Variants in MTA3 observed in about 807,000 individuals in gnomAD.
MTA3 encodes the protein metastasis-associated protein MTA3.
MTA3 carries 34 observed loss-of-function variants against 83.5 expected under a neutral mutation model. That is an observed-to-expected ratio of 0.41 (90% CI 0.31 to 0.54). The LOEUF is 0.54. Ranked by LOEUF, MTA3 falls within the 20% of genes least tolerant of loss-of-function variation. The pLI is 0.33. For synonymous variants in MTA3, 303 were observed against 252.7 expected (o/e 1.20, Z -1.89); for missense variants, 761 against 726.4 (o/e 1.05, Z -0.55).
At chr2:42,570,864 A>G (rs1026575984) in intron 2 of MTA3, among the ~76,000 whole-genome samples, 1 of 151,804 alleles carries the variant, frequency 6.6e-6, no homozygotes, top group African/African-American at 2.4e-5. Flanking sequence ...TACAAAAAAA[A>G]TAGTCGGGCA....
chr2:42,679,895 T>A (rs1237074591), intron 8 of MTA3, among the ~76,000 whole-genome samples: 1 of 152,020 alleles, frequency 6.6e-6, no homozygotes, highest in African/African-American at 2.4e-5. Context: ...ACAATTTACA[T>A]TGAGTATTTA....
Position 42,689,686 on chromosome 2 carries a change from G to A in MTA3, c.892-6079G>A, listed in dbSNP as rs145634249. 5.8e-3 allele frequency among the ~76,000 whole-genome samples: 868 copies of A among 150,564 alleles called. 6 individuals are homozygous for A. Among genetic ancestry groups the A allele is most frequent in the Non-Finnish European group, 9.6e-3 (652 of 67,784 alleles). On this transcript the variant is annotated intron_variant, in intron 9 of 16. Transcript: ENST00000405094. ...TAAAGATGTTTATAATAGGAGTTTA[G>A]AATTTTCTCATGTTATCCTTTTATG... is the stretch of plus-strand genomic sequence containing the variant.
intron 2 of MTA3, among the ~76,000 whole-genome samples, chr2:42,577,247 T>G (rs1203996874): frequency 2.0e-5 from 3 of 151,522 alleles, no homozygotes; most frequent in Admixed American, 6.6e-5. Flanking sequence ...TGAGTAACCA[T>G]GCTTCAGAAG....
At chr2:42,718,906 G>C (rs1298906218) in intron 14 of MTA3, 82 bp from the exon 15 acceptor site, 6 of 1,058,544 alleles carry the variant, frequency 5.7e-6, no homozygotes, top group Non-Finnish European at 8.4e-6. Flanking sequence ...TTTTCCACTT[G>C]TACCTTTATT....
At chr2:42,582,337 C>A (rs1344263322) in intron 3 of MTA3, among the ~76,000 whole-genome samples, 1 of 152,154 alleles carries the variant, frequency 6.6e-6, no homozygotes, top group Non-Finnish European at 1.5e-5. Flanking sequence ...GGATTACAGG[C>A]GTGAGCCACT....
At chr2:42,587,028 A>T (rs1680415186) in intron 3 of MTA3, among the ~76,000 whole-genome samples, 1 of 151,610 alleles carries the variant, frequency 6.6e-6, no homozygotes. Flanking sequence ...TCTCAAAAAA[A>T]ATAAAAATGC....
At chr2:42,589,816 G>T (rs1680757678) in intron 3 of MTA3, among the ~76,000 whole-genome samples, 2 of 152,152 alleles carry the variant, frequency 1.3e-5, no homozygotes, top group South Asian at 2.1e-4. Flanking sequence ...TGATATCTGG[G>T]TTAGAGGCTT....
intron 3 of MTA3, among the ~76,000 whole-genome samples, chr2:42,588,035 G>C (rs1239474912): frequency 6.6e-6 from 1 of 151,856 alleles, no homozygotes; most frequent in Non-Finnish European, 1.5e-5. Flanking sequence ...TTTTTCCTTG[G>C]ATTTTTATAA....
intron 16 of MTA3, among the ~76,000 whole-genome samples, chr2:42,735,556 A>G (rs978927095): frequency 9.9e-5 from 15 of 152,138 alleles, no homozygotes; most frequent in Admixed American, 5.2e-4. Flanking sequence ...TCTTTCTACA[A>G]TCTGTCCCTC....
intron 16 of MTA3, among the ~76,000 whole-genome samples, chr2:42,740,773 T>A (rs1386864410): frequency 6.6e-6 from 1 of 152,374 alleles, no homozygotes; most frequent in East Asian, 1.9e-4. Context: ...TTAGGCTTTG[T>A]TGTTCTATTT....
At chr2:42,547,375 C>T (rs1416624336) in intron 2 of MTA3, among the ~76,000 whole-genome samples, 2 of 152,204 alleles carry the variant, frequency 1.3e-5, no homozygotes, top group Non-Finnish European at 2.9e-5. Context: ...TCGCCCAGGC[C>T]GGAGTGCAGT....
intron 2 of MTA3, among the ~76,000 whole-genome samples, chr2:42,526,732 A>G (rs1675725284): frequency 6.6e-6 from 1 of 152,026 alleles, no homozygotes; most frequent in African/African-American, 2.4e-5. Flanking sequence ...ACCCTTCAAG[A>G]TGGATTCAAT....
intron 8 of MTA3, among the ~76,000 whole-genome samples, chr2:42,662,351 T>C (rs1689798829): frequency 6.6e-6 from 1 of 151,670 alleles, no homozygotes; most frequent in African/African-American, 2.4e-5. Context: ...TATATATTTC[T>C]TGTGTCTTGT....
intron 16 of MTA3, among the ~76,000 whole-genome samples, chr2:42,732,018 T>A (rs1275583848): frequency 2.0e-5 from 3 of 152,230 alleles, no homozygotes; most frequent in African/African-American, 7.2e-5. Context: ...ACTCCGGGTC[T>A]CATATCCAGG....
chr2:42,628,185 C>G (rs1686309239), intron 4 of MTA3, among the ~76,000 whole-genome samples: 1 of 148,174 alleles, frequency 6.7e-6, no homozygotes, highest in Non-Finnish European at 1.5e-5. Context: ...CCCGGCGGTT[C>G]TTTTAATTTT....
At chr2:42,566,162 T>G (rs996081058), upstream of MTA3, among the ~76,000 whole-genome samples, 1 of 152,172 alleles carries the variant, frequency 6.6e-6, no homozygotes, top group African/African-American at 2.4e-5. Flanking sequence ...TAGGGCTGGT[T>G]GATGACAAGT....
intron 15 of MTA3, among the ~76,000 whole-genome samples, chr2:42,720,565 G>A (rs546250237): frequency 1.3e-5 from 2 of 152,228 alleles, no homozygotes; most frequent in Non-Finnish European, 2.9e-5. Context: ...CATGACCTAC[G>A]TAATGGTGGT....
chr2:42,666,121 C>A (rs1690209537), intron 8 of MTA3, among the ~76,000 whole-genome samples: 1 of 151,812 alleles, frequency 6.6e-6, no homozygotes, highest in African/African-American at 2.4e-5. Context: ...ACTAAAAATA[C>A]AAAAAATTAG....
intron 3 of MTA3, chr2:42,581,829 C>T (rs556839917): frequency 9.4e-5 from 23 of 245,042 alleles, no homozygotes; most frequent in South Asian, 2.8e-4. Flanking sequence ...TGCAATGGCA[C>T]GATCTCGGCT....
Sources: gnomAD v4.1 joint callset for allele counts (sites outside exome capture counted in the v4.1 genomes callset) on GRCh38, gnomAD v4.1.1 for gene constraint, MANE v1.5 for transcripts, NCBI Gene and HGNC (gene_info 2026-07-23, HGNC 2026-07-21) for gene names.